The following CELSR1 variants were observed in gnomAD, a reference collection of about 807,000 sequenced individuals.
CELSR1 encodes adhesion G protein-coupled receptor C1.
In CELSR1, 110 loss-of-function variants were observed where a neutral mutation model predicts 249.1. The ratio of observed to expected loss-of-function variants is 0.44; its 90% CI spans 0.38 to 0.52. The LOEUF (loss-of-function observed/expected upper bound fraction) is 0.52, where lower values mean the gene tolerates loss of function less well. Among genes scored for constraint, CELSR1 ranks in the 20% least tolerant of loss-of-function variants. CELSR1 has a pLI of 0.00. For missense variants in CELSR1, 4,109 were observed against 4,296.4 expected, an observed-to-expected ratio of 0.96 and a Z score of 1.22; for synonymous variants, 2,113 against 1,900.0, an observed-to-expected ratio of 1.11 and a Z score of -2.92.
chr22:46,521,453 C>T (rs914873747), intron 1 of CELSR1, among the ~76,000 whole-genome samples: 3 of 151,182 alleles, frequency 2.0e-5, no homozygotes, highest in African/African-American at 4.9e-5. Context: ...TGCAGTGAGC[C>T]GAGATCGCGC....
At chr22:46,372,197 C>T (rs978839753) in intron 25 of CELSR1, among the ~76,000 whole-genome samples, 15 of 150,242 alleles carry the variant, frequency 1.0e-4, no homozygotes, top group African/African-American at 3.7e-4. Context: ...TCTACTCACT[C>T]ACCCCTCCAA....
At position 46,518,331 on chromosome 22, in the gene CELSR1, T is replaced by TCAGC. The variant is rs1221947866; in HGVS notation, c.3544+15292_3544+15295dup. Among the ~76,000 whole-genome samples, 2 of 152,166 alleles carry TCAGC rather than the reference T, an allele frequency of 1.3e-5. No individual in the cohort carries two copies. Among genetic ancestry groups the TCAGC allele is most frequent in the Non-Finnish European group, 2.9e-5 (2 of 68,038 alleles). On this transcript the variant is annotated intron_variant, in intron 1 of 34. Transcript: ENST00000674500. This position sits in a 1 kb window ranked among gnomAD's most constrained non-coding sequence, Gnocchi z 5.2. Reference sequence around the variant, plus strand: ...GTGGGGGCACCATCAGCAGGGGCGCTCAGCCCGTGCCACACTCAGTCTCGT... The same window carrying TCAGC: ...GTGGGGGCACCATCAGCAGGGGCGCTCAGCCAGCCCGTGCCACACTCAGTCTCGT...
In CELSR1 at chr22:46,367,073, G is replaced by C. The variant is rs138303327; in HGVS notation, c.8125C>G (p.Arg2709Gly). 1.0e-3 allele frequency: 1,689 copies of C among 1,611,508 alleles called. 1 individual carries two copies. Among genetic ancestry groups the C allele is most frequent in the South Asian group, 1.5e-3 (140 of 90,794 alleles). Residue 2709 changes from arginine to glycine, a missense_variant, in exon 29 of 35, where the codon CGG becomes GGG. Coordinates refer to ENST00000674500, the MANE Select transcript of CELSR1 (RefSeq NM_001378328.1). ...CCGAGCACGCCCTTCAGGTGCTTCC[G>C]GACCTCCTGGTTGAGCACGCAGTGG... Reference protein sequence around the residue: ...LFHCVLNQEVRKHLKGVLGGR... With the variant: ...LFHCVLNQEVGKHLKGVLGGR...
chr22:46,403,376 G>A (rs139678759), intron 9 of CELSR1, among the ~76,000 whole-genome samples: 1,760 of 147,730 alleles, frequency 0.012, 38 homozygotes, highest in Middle Eastern at 0.045. Flanking sequence ...GTGAAACCCC[G>A]TGTCTACTAA....
rs762412324 is a variant in CELSR1, at chr22:46,389,491, C to T, written c.6354G>A (p.Lys2118=). ...SFVDLRAMNE[K]LSRNETQVDG... ...CCACCTGCGTCTCATTGCGGCTCAG[C>T]TTCTCATTCTGGAACAGGGAGGCAG... The change falls in exon 18 of 35, where the codon AAG becomes AAA. Residue 2118 remains lysine, a synonymous_variant. Transcript: ENST00000674500. 6.2e-7 allele frequency: 1 copy of T among 1,613,310 alleles called. No individual in the cohort carries two copies. Among genetic ancestry groups the T allele is most frequent in the East Asian group, 2.2e-5 (1 of 44,888 alleles).
At chr22:46,392,084 C>T (rs912997522) in intron 14 of CELSR1, among the ~76,000 whole-genome samples, 4 of 152,372 alleles carry the variant, frequency 2.6e-5, no homozygotes, top group South Asian at 2.1e-4. Context: ...TGGGCACCTT[C>T]GTATTTGTCC....
intron 24 of CELSR1, among the ~76,000 whole-genome samples, chr22:46,376,815 A>AG (rs1555906487): frequency 2.5e-3 from 372 of 151,778 alleles, no homozygotes; most frequent in African/African-American, 8.3e-3. Flanking sequence ...AAAAAAAAAA[A>AG]AAAGAAAGAA....
In CELSR1 at chr22:46,446,275, G is replaced by T. The variant is rs1034065190; in HGVS notation, c.4184-6864C>A. On this transcript the variant is annotated intron_variant, in intron 2 of 34. Transcript: ENST00000674500. The surrounding 1 kb of genome is among the most constrained non-coding windows in gnomAD (Gnocchi z 5.5). ...TAGTCTCTGCATGTGGCTTTCCAGT[G>T]CCTGGAGGCCACCCGCATCCCCTGG... Among the ~76,000 whole-genome samples, 1 of 152,166 alleles carries T rather than the reference G, an allele frequency of 6.6e-6. No individual in the cohort carries two copies. Among genetic ancestry groups the T allele is most frequent in the Non-Finnish European group, 1.5e-5 (1 of 68,036 alleles).
chr22:46,473,765 T>A lies in CELSR1; in HGVS notation c.3545-9420A>T, dbSNP rs370564408. ...CTTGGTGGCTCCTGGTGGCTCCCAT[T>A]CAAAGCCAGGGAACTTTGAAGTGGC... is the stretch of plus-strand genomic sequence containing the variant. On this transcript the variant is annotated intron_variant, in intron 1 of 34. Transcript: ENST00000674500. This position sits in a 1 kb window ranked among gnomAD's most constrained non-coding sequence, Gnocchi z 6.6. Among the ~76,000 whole-genome samples, 22 of 152,266 alleles carry A rather than the reference T, an allele frequency of 1.4e-4. No individual in the cohort carries two copies. In the East Asian group the frequency reaches 1.7e-3, roughly 12 times the overall value.
At chr22:46,481,584 G>A (rs2080266926) in intron 1 of CELSR1, 1 of 802,876 alleles carries the variant, frequency 1.2e-6, no homozygotes, top group Non-Finnish European at 2.1e-6. Flanking sequence ...GGCACTCGAT[G>A]CACTGGTGCA....
At chr22:46,522,092 G>A (rs558060379) in intron 1 of CELSR1, among the ~76,000 whole-genome samples, 11 of 152,230 alleles carry the variant, frequency 7.2e-5, no homozygotes, top group African/African-American at 2.6e-4. Context: ...TTGTGTGTGT[G>A]TCAGTCAACT....
At chr22:46,424,202 G>A (rs1431153465) in intron 5 of CELSR1, among the ~76,000 whole-genome samples, 1 of 151,308 alleles carries the variant, frequency 6.6e-6, no homozygotes, top group South Asian at 2.1e-4. Flanking sequence ...AAGCAGCTGG[G>A]ACCATAGGCA....
intron 30 of CELSR1, among the ~76,000 whole-genome samples, 186 bp downstream of exon 30, chr22:46,366,200 A>AAGAAAGGTGGGGGGGAGGAG (rs2078777005): frequency 1.2e-3 from 2 of 1,614 alleles, no homozygotes; most frequent in Non-Finnish European, 2.3e-3. Flanking sequence ...AGGGGAAGGG[A>AAGAAAGGTGGGGGGGAGGAG]AGGTGCGAGG....
chr22:46,481,222 G>A (rs542069231), intron 1 of CELSR1: 17 of 289,926 alleles, frequency 5.9e-5, no homozygotes, highest in African/African-American at 1.6e-4. Flanking sequence ...CAGCCTGCGC[G>A]AAAGAACAAG....
chr22:46,393,245 T>G lies in CELSR1; in HGVS notation c.5964+897A>C, dbSNP rs1322426031. Among the ~76,000 whole-genome samples, 1 of 151,820 alleles carries G rather than the reference T, an allele frequency of 6.6e-6. No homozygotes were observed. The highest frequency in any genetic ancestry group is 1.5e-5 in the Non-Finnish European group (1 of 67,972). On this transcript the variant is annotated intron_variant, in intron 14 of 34. Coordinates refer to ENST00000674500, the MANE Select transcript of CELSR1 (RefSeq NM_001378328.1). The surrounding 1 kb of genome is among the most constrained non-coding windows in gnomAD (Gnocchi z 4.1). ...GTGTACACGAAGATCCTGAAGGAGG[T>G]GATGTATCCTGAGAGGGCTGGGGAG...
Position 46,410,341 on chromosome 22 carries a change from C to T in CELSR1, c.4933+57G>A. ...GCAAGCAGTGACCTCTGTGTGGCTGCCGACGTCCAGCCAGATGCCACTGCG... is the reference window on the plus strand; with the variant it reads ...GCAAGCAGTGACCTCTGTGTGGCTGTCGACGTCCAGCCAGATGCCACTGCG... On this transcript the variant is annotated intron_variant, in intron 7 of 34. Coordinates refer to ENST00000674500, the MANE Select transcript of CELSR1 (RefSeq NM_001378328.1). This position sits in a 1 kb window ranked among gnomAD's most constrained non-coding sequence, Gnocchi z 6.8. 6.3e-7 allele frequency: 1 copy of T among 1,583,150 alleles called. No homozygotes were observed. The highest frequency in any genetic ancestry group is 8.6e-7 in the Non-Finnish European group (1 of 1,156,152).
At position 46,372,759 on chromosome 22, in the gene CELSR1, C is replaced by T. The variant is rs1183276705; in HGVS notation, c.7759+124G>A. On this transcript the variant is annotated intron_variant, in intron 25 of 34. Coordinates refer to ENST00000674500, the MANE Select transcript of CELSR1 (RefSeq NM_001378328.1). The stretch of plus-strand genomic sequence containing the variant: ...TCGCAGTGTGCAGGGCCGAGGCCTC[C>T]TCTGCTGGGGGCTGGACAAGCATTG... The T allele has an allele frequency of 7.0e-6, 9 of 1,285,748 alleles. No individual in the cohort carries two copies. The African/African-American group carries it at 1.0e-4, about 15-fold the overall frequency. The allele number at this position is 1,285,748 out of a possible 1,614,324, so 79.6% of individuals were successfully genotyped here.
At chr22:46,502,525 G>A (rs80006816) in intron 1 of CELSR1, among the ~76,000 whole-genome samples, 2,488 of 149,124 alleles carry the variant, frequency 0.017, 112 homozygotes, top group African/African-American at 0.06. Flanking sequence ...AGGGAAAGAC[G>A]CAGAAAAGGA....
Position 46,448,943 on chromosome 22 carries a change from A to G in CELSR1, c.4184-9532T>C, listed in dbSNP as rs2079850594. Among the ~76,000 whole-genome samples, 2 of 152,194 alleles carry G rather than the reference A, an allele frequency of 1.3e-5. No individual in the cohort carries two copies. The highest frequency in any genetic ancestry group is 4.1e-4 in the South Asian group (2 of 4,832). On this transcript the variant is annotated intron_variant, in intron 2 of 34. Transcript: ENST00000674500. This position sits in a 1 kb window ranked among gnomAD's most constrained non-coding sequence, Gnocchi z 5.7. ...AGAGGGGAACGTTACAGGGTTTCTA[A>G]GAGGAAAAGGGTATGTCAGAAATGA...
Sources: gnomAD v4.1 joint callset for allele counts (sites outside exome capture counted in the v4.1 genomes callset) on GRCh38, gnomAD v4.1.1 for gene constraint, Gnocchi (gnomAD v3.1) non-coding constraint, MANE v1.5 for transcripts, NCBI Gene and HGNC (gene_info 2026-07-23, HGNC 2026-07-21) for gene names.